Variants in GPR82 observed in about 807,000 individuals in gnomAD.
GPR82 encodes the protein probable G protein-coupled receptor 82.
A neutral mutation model predicts 12.9 loss-of-function variants in GPR82; 6 were observed. The ratio of observed to expected loss-of-function variants is 0.46; its 90% confidence interval spans 0.25 to 0.92. GPR82 has a LOEUF of 0.92. Ranked by LOEUF, GPR82 falls within the 40% of genes least tolerant of loss-of-function variation. GPR82 has a pLI of 0.16. For missense variants in GPR82, 241 were observed against 245.5 expected (o/e 0.98, Z 0.12); for synonymous variants, 90 against 87.6 (o/e 1.03, Z -0.15).
chrX:41,727,946 T>C lies in GPR82; in HGVS notation c.920T>C (p.Ile307Thr). ...TCGGCCAGAAGTAGCACAGACCCCA[T>C]TATATTTCTTTTATTAGATAAAACA... ...LASARSSTDP[I>T]IFLLLDKTFK... is the part of the protein sequence containing the mutation. The change falls in exon 3 of 3, where the codon ATT (isoleucine) becomes ACT (threonine). Residue 307 changes from isoleucine (I) to threonine (T), a missense_variant. Coordinates refer to ENST00000302548, the MANE Select transcript of GPR82 (RefSeq NM_080817.5). 1 of 1,171,870 alleles carries C rather than the reference T, an allele frequency of 8.5e-7. No individual in the cohort carries two copies. Among genetic ancestry groups the C allele is most frequent in the Non-Finnish European group, 1.2e-6 (1 of 861,093 alleles).
In GPR82 at chrX:41,727,021, AC is replaced by A. The variant is rs2068272537; in HGVS notation, c.-5del. Reference sequence around the variant, plus strand: ...CTGTGACAAAATTCAAGAAAACCTGACATAAATGAACAACAATACAACATGT... The same window carrying A: ...CTGTGACAAAATTCAAGAAAACCTGAATAAATGAACAACAATACAACATGT... On this transcript the variant is annotated 5_prime_UTR_variant, in exon 3 of 3. Transcript: ENST00000302548. 8 of 1,070,955 alleles carry A rather than the reference AC, an allele frequency of 7.5e-6. No individual in the cohort carries two copies. In the African/African-American group the frequency reaches 9.2e-5, roughly 12 times the overall value. 88.3% of individuals were successfully genotyped at this position (1,070,955 alleles called of 1,213,427 possible).
rs185270935 is a variant in GPR82 at position 41,729,601 on chromosome X, C to G, written c.*1564C>G. On this transcript the variant is annotated 3_prime_UTR_variant, in exon 3 of 3. Transcript: ENST00000302548. Reference sequence around the variant, plus strand: ...GGCGTGGTGGTGTGTGCCTGTAGTCCCAGCTACTTGGGAGGCTGAGGCAGA... The same window carrying G: ...GGCGTGGTGGTGTGTGCCTGTAGTCGCAGCTACTTGGGAGGCTGAGGCAGA... The G allele has an allele frequency of 9.2e-6, 1 of 108,760 alleles. No individual in the cohort carries two copies. Among genetic ancestry groups the G allele is most frequent in the East Asian group, 3.0e-4 (1 of 3,361 alleles). The allele number at this position is 108,760 out of a possible 1,213,427, so 9.0% of individuals were successfully genotyped here.
At position 41,726,823 on chromosome X, in the gene GPR82, G is replaced by C; in HGVS notation, c.-55G>C. ...GTAACTTTTTGTCTTTATTTCAACC[G>C]GACAATCGTGATTAGAAAAGGTAAG... On this transcript the variant is annotated 5_prime_UTR_variant, in exon 2 of 3. Transcript: ENST00000302548. 6.9e-6 allele frequency: 2 copies of C among 289,965 alleles called. No individual in the cohort carries two copies. The highest frequency in any genetic ancestry group is 2.7e-5 in the African/African-American group (1 of 36,663). 23.9% of individuals were successfully genotyped at this position (289,965 alleles called of 1,213,427 possible).
Position 41,727,386 on chromosome X carries a change from C to T in GPR82, c.360C>T (p.Thr120=). The change falls in exon 3 of 3, where the codon ACC becomes ACT. Residue 120 remains threonine (T), a synonymous_variant. Transcript: ENST00000302548. The part of the protein sequence containing the change: ...LSWIAISRYA[T]LMQKDSSQET... ...GGATTGCCATAAGCCGCTATGCTAC[C>T]TTAATGCAAAAGGATTCCTCGCAAG... is the stretch of plus-strand genomic sequence containing the variant. The T allele has an allele frequency of 2.5e-6, 3 of 1,209,989 alleles. No individual in the cohort carries two copies. The highest frequency in any genetic ancestry group is 3.4e-6 in the Non-Finnish European group (3 of 893,678).
At position 41,727,198 on chromosome X, in the gene GPR82, G is replaced by A. The variant is rs1243882373; in HGVS notation, c.172G>A (p.Val58Met). The change falls in exon 3 of 3, where the codon GTG (valine) becomes ATG (methionine). Residue 58 changes from valine to methionine, a missense_variant. Physicochemically the swap from Val to Met is conservative, Grantham distance 21 (BLOSUM62 1). Coordinates refer to ENST00000302548, the MANE Select transcript of GPR82 (RefSeq NM_080817.5). ...TSTHIYLSHL[V>M]TANLLVCSAM... ...AACGCACATCTACCTGTCACACCTT[G>A]TGACTGCAAACTTACTTGTGTGCAG... 8.3e-7 allele frequency: 1 copy of A among 1,204,094 alleles called. No individual in the cohort carries two copies. The highest frequency in any genetic ancestry group is 1.1e-6 in the Non-Finnish European group (1 of 890,214).
intron 1 of GPR82, 77 bp from the exon 2 acceptor site, chrX:41,726,696 C>G (rs1370331580): frequency 7.1e-6 from 1 of 141,481 alleles, no homozygotes; most frequent in Non-Finnish European, 1.4e-5. Context: ...GTTTTACAAT[C>G]TAAGAACTAT....
chrX:41,726,305 C>T (rs1470319498), intron 1 of GPR82, among the ~76,000 whole-genome samples: 1 of 112,004 alleles, frequency 8.9e-6, no homozygotes, highest in Non-Finnish European at 1.9e-5. Context: ...GACAGTTTAA[C>T]ATTAAATATT....
At position 41,727,407 on chromosome X, in the gene GPR82, G is replaced by A. The variant is rs201787151; in HGVS notation, c.381G>A (p.Ser127=). The part of the protein sequence containing the change: ...RYATLMQKDS[S]QETTSCYEKI... ...CTACCTTAATGCAAAAGGATTCCTC[G>A]CAAGAGACTACTTCATGCTATGAGA... is the stretch of plus-strand genomic sequence containing the variant. Residue 127 remains serine (S), a synonymous_variant, in exon 3 of 3, where the codon TCG becomes TCA. Coordinates refer to ENST00000302548, the MANE Select transcript of GPR82 (RefSeq NM_080817.5). 8 of 1,209,398 alleles carry A rather than the reference G, an allele frequency of 6.6e-6. No homozygotes were observed. The highest frequency in any genetic ancestry group is 5.9e-5 in the East Asian group (2 of 33,809).
rs1174566673 is a variant in GPR82 at position 41,729,517 on chromosome X, G to A, written c.*1480G>A. 5 of 119,504 alleles carry A rather than the reference G, an allele frequency of 4.2e-5. No individual in the cohort carries two copies. Among genetic ancestry groups the A allele is most frequent in the African/African-American group, 1.7e-4 (5 of 29,731 alleles). 9.8% of individuals were successfully genotyped at this position (119,504 alleles called of 1,213,427 possible). A position where few individuals can be genotyped will look rare whatever the true frequency, so the allele number is the denominator to read the frequency against. ...GCAGATCACCTGAGGTCAGGAGTTC[G>A]AGACTAGCCTGGCCAACATGGCGAA... On this transcript the variant is annotated 3_prime_UTR_variant, in exon 3 of 3. Transcript: ENST00000302548.
chrX:41,726,145 C>T (rs1032914756), intron 1 of GPR82, among the ~76,000 whole-genome samples: 29 of 112,189 alleles, frequency 2.6e-4, no homozygotes, highest in African/African-American at 9.1e-4. Flanking sequence ...GACAGGGTCT[C>T]GCTATGTTGT....
chrX:41,724,498 T>C (rs1445383239), intron 1 of GPR82, among the ~76,000 whole-genome samples: 3 of 112,357 alleles, frequency 2.7e-5, no homozygotes, highest in African/African-American at 9.7e-5. Context: ...ATGAGTGACT[T>C]GAGATAGACA....
rs771101069 is a variant in GPR82, at chrX:41,727,032, C to T, written c.6C>T (p.Asn2=). 9.0e-7 allele frequency: 1 copy of T among 1,106,639 alleles called. No homozygotes were observed. Among genetic ancestry groups the T allele is most frequent in the Admixed American group, 2.7e-5 (1 of 36,657 alleles). The allele number at this position is 1,106,639 out of a possible 1,213,427, so 91.2% of individuals were successfully genotyped here. ...TTCAAGAAAACCTGACATAAATGAA[C>T]AACAATACAACATGTATTCAACCAT... is the stretch of plus-strand genomic sequence containing the variant. The part of the protein sequence containing the change: M[N]NNTTCIQPSM... The change falls in exon 3 of 3, where the codon AAC becomes AAT. Residue 2 remains asparagine, a synonymous_variant. Coordinates refer to ENST00000302548, the MANE Select transcript of GPR82 (RefSeq NM_080817.5).
In GPR82 at chrX:41,727,408, C is replaced by T. The variant is rs190491145; in HGVS notation, c.382C>T (p.Gln128Ter). Reference protein sequence around the residue: ...YATLMQKDSSQETTSCYEKIF... With the variant: ...YATLMQKDSS ...TACCTTAATGCAAAAGGATTCCTCG[C>T]AAGAGACTACTTCATGCTATGAGAA... Residue 128 changes from glutamine (Q) to a stop codon, truncating the protein, a stop_gained, in exon 3 of 3, where the codon CAA (glutamine) becomes TAA (stop). Coordinates refer to ENST00000302548, the MANE Select transcript of GPR82 (RefSeq NM_080817.5). LOFTEE classifies it high-confidence loss of function. 26 of 1,209,483 alleles carry T rather than the reference C, an allele frequency of 2.1e-5. No homozygotes were observed. In the Admixed American group the frequency reaches 3.7e-4, roughly 17 times the overall value.
chrX:41,726,261 T>C (rs990164948), intron 1 of GPR82, among the ~76,000 whole-genome samples: 1 of 112,616 alleles, frequency 8.9e-6, no homozygotes, highest in African/African-American at 3.2e-5. Flanking sequence ...TAACTACAGT[T>C]TTGACATACA....
Position 41,727,413 on chromosome X carries a change from G to T in GPR82, c.387G>T (p.Glu129Asp), listed in dbSNP as rs1228271193. Residue 129 changes from glutamate (E) to aspartate (D), a missense_variant, in exon 3 of 3, where the codon GAG becomes GAT. Glu to Asp is a conservative substitution (Grantham distance 45). Coordinates refer to ENST00000302548, the MANE Select transcript of GPR82 (RefSeq NM_080817.5). Reference protein sequence around the residue: ...ATLMQKDSSQETTSCYEKIFY... With the variant: ...ATLMQKDSSQDTTSCYEKIFY... ...TAATGCAAAAGGATTCCTCGCAAGA[G>T]ACTACTTCATGCTATGAGAAAATAT... 3.3e-6 allele frequency: 4 copies of T among 1,209,589 alleles called. No individual in the cohort carries two copies. Among genetic ancestry groups the T allele is most frequent in the Non-Finnish European group, 4.5e-6 (4 of 894,554 alleles).
In GPR82 at chrX:41,728,753, CA is replaced by C. The variant is rs1221251707; in HGVS notation, c.*723del. 8.2e-6 allele frequency: 1 copy of C among 122,219 alleles called. No homozygotes were observed. Among genetic ancestry groups the C allele is most frequent in the African/African-American group, 3.3e-5 (1 of 30,518 alleles). The allele number at this position is 122,219 out of a possible 1,213,427, so 10.1% of individuals were successfully genotyped here. A position where few individuals can be genotyped will look rare whatever the true frequency, so the allele number is the denominator to read the frequency against. Reference sequence around the variant, plus strand: ...CGAGACTCTGTCTCATAAAACAAAACAAAAAAATAAAAATAAGTAAAAAAAT... The same window carrying C: ...CGAGACTCTGTCTCATAAAACAAAACAAAAAATAAAAATAAGTAAAAAAAT... On this transcript the variant is annotated 3_prime_UTR_variant, in exon 3 of 3. Transcript: ENST00000302548.
rs1292146290 is a variant in GPR82, at chrX:41,729,733, G to A, written c.*1696G>A. 1 of 65,209 alleles carries A rather than the reference G, an allele frequency of 1.5e-5. No individual in the cohort carries two copies. The highest frequency in any genetic ancestry group is 1.6e-3 in the South Asian group (1 of 645). The allele number at this position is 65,209 out of a possible 1,213,427, so 5.4% of individuals were successfully genotyped here. The stretch of plus-strand genomic sequence containing the variant: ...CCATTGCACTCCAGCCTGGGCGACA[G>A]AGTGAGACTCTGTCTCAAAAAAAAA... On this transcript the variant is annotated 3_prime_UTR_variant, in exon 3 of 3. Coordinates refer to ENST00000302548, the MANE Select transcript of GPR82 (RefSeq NM_080817.5).
rs1469446052 is a variant in GPR82, at chrX:41,726,848, G to C, written c.-35+5G>C. On this transcript the variant is annotated splice_donor_5th_base_variant and intron_variant, in intron 2 of 2. Coordinates refer to ENST00000302548, the MANE Select transcript of GPR82 (RefSeq NM_080817.5). ...GGACAATCGTGATTAGAAAAGGTAA[G>C]AAGCCATCTATACTTTCCCGTTCCA... is the stretch of plus-strand genomic sequence containing the variant. The C allele has an allele frequency of 3.3e-6, 1 of 305,576 alleles. No individual in the cohort carries two copies. The highest frequency in any genetic ancestry group is 5.7e-6 in the Non-Finnish European group (1 of 176,323). 25.2% of individuals were successfully genotyped at this position (305,576 alleles called of 1,213,427 possible).
rs183879898 is a variant in GPR82, at chrX:41,729,082, T to G, written c.*1045T>G. ...TTAGTGACAAACAGTACCTGGCAGT[T>G]AATTTTTTGTGAAATAAATGAATGA... On this transcript the variant is annotated 3_prime_UTR_variant, in exon 3 of 3. Coordinates refer to ENST00000302548, the MANE Select transcript of GPR82 (RefSeq NM_080817.5). 2.2e-3 allele frequency: 267 copies of G among 123,600 alleles called. 2 individuals carry two copies. The highest frequency in any genetic ancestry group is 8.3e-3 in the African/African-American group (255 of 30,902). 10.2% of individuals were successfully genotyped at this position (123,600 alleles called of 1,213,427 possible).
Sources: allele counts gnomAD v4.1 joint callset (sites outside exome capture counted in the v4.1 genomes callset), GRCh38; gene constraint gnomAD v4.1.1; transcripts MANE v1.5; gene names NCBI Gene and HGNC (gene_info 2026-07-23, HGNC 2026-07-21).